TTN: variants seen among roughly 807,000 people sequenced by gnomAD.
The protein encoded by TTN is titin.
Under a neutral mutation model 3,223.0 loss-of-function variants are expected in TTN, and 1,525 were observed. That is an observed-to-expected ratio of 0.47 (90% confidence interval 0.45 to 0.49). TTN has a LOEUF of 0.49. Among genes scored for constraint, TTN ranks in the 20% least tolerant of loss-of-function variants. TTN has a pLI of 0.00. For missense variants in TTN, 40,786 were observed against 43,424.0 expected (o/e 0.94, Z 5.40); for synonymous variants, 14,094 against 15,161.0 (o/e 0.93, Z 5.17).
Position 178,601,732 on chromosome 2 carries a change from T to C in TTN, c.55358A>G (p.His18453Arg). 6.2e-7 allele frequency: 1 copy of C among 1,610,118 alleles called. No homozygotes were observed. Among genetic ancestry groups the C allele is most frequent in the South Asian group, 1.1e-5 (1 of 89,982 alleles). ...GGCTGTGATGCTGTATTTGCCTGTA[T>C]GAGATCGTTTACACTCCGGAATAAT... ...VIIIPECKRS[H>R]TGKYSITAKN... The change falls in exon 286 of 363, where the codon CAT (histidine) becomes CGT (arginine). Residue 18453 changes from histidine (H) to arginine (R), a missense_variant. Physicochemically the swap from His to Arg is conservative, Grantham distance 29. Coordinates refer to ENST00000589042, the MANE Select transcript of TTN (RefSeq NM_001267550.2).
At position 178,636,346 on chromosome 2, in the gene TTN, G is replaced by T. The variant is rs903435826; in HGVS notation, c.41329+52C>A. On this transcript the variant is annotated intron_variant, in intron 225 of 362. Transcript: ENST00000589042. This position sits in a 1 kb window ranked among gnomAD's most constrained non-coding sequence, Gnocchi z 4.3. ...AACTACAATGCAAGTTGCTACTAAG[G>T]TTTGTTACATTAAAGTTTAATATAG... 9 of 1,530,682 alleles carry T rather than the reference G, an allele frequency of 5.9e-6. No homozygotes were observed. Among genetic ancestry groups the T allele is most frequent in the Non-Finnish European group, 6.1e-6 (7 of 1,141,010 alleles). 94.8% of individuals were successfully genotyped at this position (1,530,682 alleles called of 1,614,324 possible).
chr2:178,531,452 C>T lies in TTN; in HGVS notation c.105163G>A (p.Glu35055Lys), dbSNP rs1416856910. The stretch of plus-strand genomic sequence containing the variant: ...GCATACGCCTCTGTTCTTGTCAGCT[C>T]AGGGAAAACAGATCTGGGGACCTCT... ...DEEVPRSVFPELTRTEAYAVS... is the reference protein window; with the variant it reads ...DEEVPRSVFPKLTRTEAYAVS... The change falls in exon 358 of 363, where the codon GAG (glutamate) becomes AAG (lysine). Residue 35055 changes from glutamate (E) to lysine (K), a missense_variant. Glu to Lys is a moderately conservative substitution (Grantham distance 56, BLOSUM62 1). Coordinates refer to ENST00000589042, the MANE Select transcript of TTN (RefSeq NM_001267550.2). 6.2e-7 allele frequency: 1 copy of T among 1,613,778 alleles called. No individual in the cohort carries two copies. The highest frequency in any genetic ancestry group is 8.5e-7 in the Non-Finnish European group (1 of 1,179,886).
rs765274398 is a variant in TTN, at chr2:178,531,191, C to T, written c.105424G>A (p.Glu35142Lys). 2.4e-5 allele frequency: 39 copies of T among 1,613,864 alleles called. No individual in the cohort carries two copies. The highest frequency in any genetic ancestry group is 1.6e-4 in the Middle Eastern group (1 of 6,084). Residue 35142 changes from glutamate (E) to lysine (K), a missense_variant, in exon 358 of 363, where the codon GAG (glutamate) becomes AAG (lysine). Physicochemically the swap from Glu to Lys is moderately conservative, Grantham distance 56. Transcript: ENST00000589042. ...CAAGAAAACCTTGCAGACTCGCCCT[C>T]GTAGACGGTCATGGACCGTGGCTTT... is the stretch of plus-strand genomic sequence containing the variant. The part of the protein sequence containing the change: ...LTKPRSMTVY[E>K]GESARFSCDT...
chr2:178,545,999 T>C lies in TTN; in HGVS notation c.95237A>G (p.Glu31746Gly). 1 of 1,613,838 alleles carries C rather than the reference T, an allele frequency of 6.2e-7. No homozygotes were observed. Among genetic ancestry groups the C allele is most frequent in the African/African-American group, 1.3e-5 (1 of 75,038 alleles). ...GTTGAGCCTGCTAGTCTCGCGTCTT[T>C]CCACGATGTAGTGAGTGATTTCTGC... ...GGAEITHYIV[E>G]RRETSRLNWV... Residue 31746 changes from glutamate to glycine, a missense_variant, in exon 343 of 363, where the codon GAA (glutamate) becomes GGA (glycine). Transcript: ENST00000589042.
At chr2:178,617,289 A>T in intron 254 of TTN, 36 bp downstream of exon 254, 3 of 1,542,914 alleles carry the variant, frequency 1.9e-6, no homozygotes, top group Non-Finnish European at 2.6e-6. Context: ...TCCATGATCC[A>T]CATTGAATAT....
At position 178,554,128 on chromosome 2, in the gene TTN, G is replaced by A. The variant is rs371678936; in HGVS notation, c.88983C>T (p.Gly29661=). The part of the protein sequence containing the change: ...TVVWSRPIAD[G]GSDISGYFLE... Reference sequence around the variant, plus strand: ...GGAAATAGCCACTTATATCACTACCGCCATCTGCAATTGGCCTGCTCCATA... The same window carrying A: ...GGAAATAGCCACTTATATCACTACCACCATCTGCAATTGGCCTGCTCCATA... Residue 29661 remains glycine, a synonymous_variant, in exon 333 of 363, where the codon GGC becomes GGT. Transcript: ENST00000589042. 2.5e-5 allele frequency: 40 copies of A among 1,613,564 alleles called. No individual in the cohort carries two copies. The highest frequency in any genetic ancestry group is 3.0e-5 in the Non-Finnish European group (35 of 1,179,782).
chr2:178,688,142 C>G lies in TTN; in HGVS notation c.32280G>C (p.Glu10760Asp), dbSNP rs751539436. ...ISVYREEERE[E>D]EEEAEVTEYE... ...ATTCTGTAACCTCTGCTTCTTCCTCCTCCTCTCTTTCTTCTTCTCTATAAA... is the reference window on the plus strand; with the variant it reads ...ATTCTGTAACCTCTGCTTCTTCCTCGTCCTCTCTTTCTTCTTCTCTATAAA... Residue 10760 changes from glutamate to aspartate, a missense_variant, in exon 127 of 363, where the codon GAG becomes GAC. Coordinates refer to ENST00000589042, the MANE Select transcript of TTN (RefSeq NM_001267550.2). The G allele has an allele frequency of 6.2e-7, 1 of 1,612,900 alleles. No individual in the cohort carries two copies. The highest frequency in any genetic ancestry group is 2.2e-5 in the East Asian group (1 of 44,850).
At position 178,659,162 on chromosome 2, in the gene TTN, G is replaced by T. The variant is rs1286420676; in HGVS notation, c.37369+10C>A. The T allele has an allele frequency of 7.7e-6, 5 of 646,766 alleles. No homozygotes were observed. The highest frequency in any genetic ancestry group is 1.3e-5 in the Non-Finnish European group (5 of 398,316). The allele number at this position is 646,766 out of a possible 1,614,324, so 40.1% of individuals were successfully genotyped here. A position where few individuals can be genotyped will look rare whatever the true frequency, so the allele number is the denominator to read the frequency against. On this transcript the variant is annotated intron_variant, in intron 181 of 362. Transcript: ENST00000589042. ...AACAATATCAAACACAGCAACAAGAGGGTGTCTACCTTTTGTGGGTGGCAC... is the reference window on the plus strand; with the variant it reads ...AACAATATCAAACACAGCAACAAGATGGTGTCTACCTTTTGTGGGTGGCAC...
chr2:178,621,072 A>C, intron 246 of TTN, 30 bp downstream of exon 246: 2 of 1,607,580 alleles, frequency 1.2e-6, no homozygotes, highest in Non-Finnish European at 1.7e-6. Context: ...ACAAACAAAC[A>C]AAAAACCCTA....
chr2:178,756,705 T>G lies in TTN; in HGVS notation c.10771A>C (p.Ser3591Arg), dbSNP rs1188200237. 6.2e-7 allele frequency: 1 copy of G among 1,613,808 alleles called. No individual in the cohort carries two copies. The highest frequency in any genetic ancestry group is 8.5e-7 in the Non-Finnish European group (1 of 1,179,804). ...VADSSFTKEE[S>R]KISQKEIKSF... Reference sequence around the variant, plus strand: ...TTAATTTCCTTTTGAGATATTTTGCTCTCCTCCTTTGTGAAAGAGGAATCT... The same window carrying G: ...TTAATTTCCTTTTGAGATATTTTGCGCTCCTCCTTTGTGAAAGAGGAATCT... The change falls in exon 46 of 363, where the codon AGC becomes CGC. Residue 3591 changes from serine (S) to arginine (R), a missense_variant. Transcript: ENST00000589042.
rs546300309 is a variant in TTN, at chr2:178,557,070, C to T, written c.88084G>A (p.Asp29362Asn). The T allele has an allele frequency of 1.9e-5, 30 of 1,613,614 alleles. 1 individual carries two copies. The highest frequency in any genetic ancestry group is 1.2e-4 in the African/African-American group (9 of 75,032). ...VSLSWQQPAF[D>N]GGSKITGYIV... ...TAGCCTGTAATCTTGCTACCTCCAT[C>T]GAAAGCTGGTTGTTGCCATGAAAGG... Residue 29362 changes from aspartate (D) to asparagine (N), a missense_variant, in exon 330 of 363, where the codon GAT (aspartate) becomes AAT (asparagine). Physicochemically the swap from Asp to Asn is conservative, Grantham distance 23. Coordinates refer to ENST00000589042, the MANE Select transcript of TTN (RefSeq NM_001267550.2).
chr2:178,618,576 G>C lies in TTN; in HGVS notation c.46966+8C>G. 1 of 1,610,820 alleles carries C rather than the reference G, an allele frequency of 6.2e-7. No individual in the cohort carries two copies. Among genetic ancestry groups the C allele is most frequent in the Non-Finnish European group, 8.5e-7 (1 of 1,178,764 alleles). On this transcript the variant is annotated splice_region_variant and intron_variant, in intron 251 of 362. Transcript: ENST00000589042. ...TGCCAATTAAGTCTGAGAGACCCAA[G>C]GGCTTACCAATAACTTTTAAATTGA...
chr2:178,700,664 T>C (rs2074798028), intron 111 of TTN, among the ~76,000 whole-genome samples: 1 of 152,228 alleles, frequency 6.6e-6, no homozygotes, highest in Admixed American at 6.5e-5. Context: ...TTCATAAGTA[T>C]TCTAAATCAT....
intron 20 of TTN, among the ~76,000 whole-genome samples, chr2:178,782,002 A>T (rs1041425130): frequency 6.6e-6 from 1 of 152,104 alleles, no homozygotes; most frequent in African/African-American, 2.4e-5. Context: ...AATGTAAAGA[A>T]ATATATCTTC....
Position 178,529,214 on chromosome 2 carries a change from T to C in TTN, c.106537A>G (p.Lys35513Glu), listed in dbSNP as rs551063889. ...GAGACTTTCTGTGCCTCAGTATCTT[T>C]TATAGCTAAAAAAGAAACCTCTGTA... ...SSCKLTIKAI[K>E]DTEAQKVSTQ... Residue 35513 changes from lysine to glutamate, a missense_variant, in exon 360 of 363, where the codon AAA becomes GAA. Lys to Glu is a moderately conservative substitution (Grantham distance 56, BLOSUM62 1). Transcript: ENST00000589042. The C allele has an allele frequency of 4.6e-5, 67 of 1,467,244 alleles. 2 individuals are homozygous for C. Among genetic ancestry groups the C allele is most frequent in the Admixed American group, 2.5e-4 (9 of 36,402 alleles). 90.9% of individuals were successfully genotyped at this position (1,467,244 alleles called of 1,614,324 possible).
Position 178,562,000 on chromosome 2 carries a change from T to C in TTN, c.84132A>G (p.Ile28044Met). ...GGACAATTATAGTAATAGGAACTGTTATGGATCCAGCACTGTTTGAAACAC... is the reference window on the plus strand; with the variant it reads ...GGACAATTATAGTAATAGGAACTGTCATGGATCCAGCACTGTTTGAAACAC... ...ELCVSNSAGS[I>M]TVPITIIVLD... The change falls in exon 326 of 363, where the codon ATA (isoleucine) becomes ATG (methionine). Residue 28044 changes from isoleucine to methionine, a missense_variant. Coordinates refer to ENST00000589042, the MANE Select transcript of TTN (RefSeq NM_001267550.2). 6.2e-7 allele frequency: 1 copy of C among 1,613,494 alleles called. No homozygotes were observed. The highest frequency in any genetic ancestry group is 1.1e-5 in the South Asian group (1 of 91,060).
In TTN at chr2:178,546,875, A is replaced by G. The variant is rs377016580; in HGVS notation, c.94553T>C (p.Val31518Ala). ...AATCAGTGATACTGTTGATCTTGTGACATCTGTCACCTCTGGTCTGCCTGG... is the reference window on the plus strand; with the variant it reads ...AATCAGTGATACTGTTGATCTTGTGGCATCTGTCACCTCTGGTCTGCCTGG... Reference protein sequence around the residue: ...DAPGRPEVTDVTRSTVSLIWS... With the variant: ...DAPGRPEVTDATRSTVSLIWS... Residue 31518 changes from valine to alanine, a missense_variant, in exon 341 of 363, where the codon GTC (valine) becomes GCC (alanine). Val to Ala is a moderately conservative substitution (Grantham distance 64, BLOSUM62 0). Transcript: ENST00000589042. The G allele has an allele frequency of 3.2e-4, 505 of 1,594,752 alleles. No individual in the cohort carries two copies. The highest frequency in any genetic ancestry group is 4.1e-4 in the Non-Finnish European group (479 of 1,167,190).
chr2:178,719,315 A>C lies in TTN; in HGVS notation c.24075T>G (p.Ile8025Met), dbSNP rs371496970. The change falls in exon 83 of 363, where the codon ATT (isoleucine) becomes ATG (methionine). Residue 8025 changes from isoleucine (I) to methionine (M), a missense_variant. Coordinates refer to ENST00000589042, the MANE Select transcript of TTN (RefSeq NM_001267550.2). Reference sequence around the variant, plus strand: ...TGGACTGACATTTGGGCCCACTAACAATCTCATTTCCATCCTGAAACCAGC... The same window carrying C: ...TGGACTGACATTTGGGCCCACTAACCATCTCATTTCCATCCTGAAACCAGC... The part of the protein sequence containing the change: ...SVGWFQDGNE[I>M]VSGPKCQSSF... The C allele has an allele frequency of 6.0e-4, 966 of 1,613,674 alleles. 10 individuals are homozygous for C. The South Asian group carries it at 0.01, about 17-fold the overall frequency.
intron 124 of TTN, 49 bp from the exon 125 acceptor site, chr2:178,689,185 G>T (rs2071694480): frequency 4.4e-6 from 7 of 1,589,090 alleles, no homozygotes; most frequent in Non-Finnish European, 6.0e-6. Flanking sequence ...TCTCATTGAA[G>T]CCCAGTGCAA....
Sources: allele counts gnomAD v4.1 joint callset (sites outside exome capture counted in the v4.1 genomes callset), GRCh38; gene constraint gnomAD v4.1.1; non-coding constraint Gnocchi (gnomAD v3.1); transcripts MANE v1.5; gene names NCBI Gene and HGNC (gene_info 2026-07-23, HGNC 2026-07-21).